Variants in BMP1 observed in about 807,000 individuals in gnomAD.
BMP1 encodes the protein bone morphogenetic protein 1, also known as mammalian tolloid protein.
Under a neutral mutation model 116.8 loss-of-function variants are expected in BMP1, and 63 were observed. That is an observed-to-expected ratio of 0.54 (90% CI 0.44 to 0.67). The LOEUF (loss-of-function observed/expected upper bound fraction) is 0.67. BMP1 is among the 30% of genes least tolerant of loss of function. The probability of loss-of-function intolerance (pLI) is 0.00; values close to 1 mark genes in which losing one functional copy is unlikely to be tolerated. For missense variants in BMP1, 1,183 were observed against 1,358.9 expected (o/e 0.87, Z 2.04); for synonymous variants, 536 against 533.4 (o/e 1.00, Z -0.07).
chr8:22,209,874 C>T (rs1237229447), intron 19 of BMP1, among the ~76,000 whole-genome samples, 179 bp downstream of exon 19: 1 of 152,266 alleles, frequency 6.6e-6, no homozygotes, highest in Non-Finnish European at 1.5e-5. Context: ...TACTCAGAGA[C>T]ACTGCCCCAT....
chr8:22,169,472 G>C lies in BMP1; in HGVS notation c.148+3919G>C, dbSNP rs374906769. On this transcript the variant is annotated intron_variant, in intron 1 of 19. Transcript: ENST00000306385. ...ACACAAGATCCTGCACGGGGAAGTG[G>C]TTGAGTGTGTGTTTGTGCATATGCG... The C allele has an allele frequency of 6.6e-5, 10 of 152,436 alleles. No homozygotes were observed. In the East Asian group the frequency reaches 1.7e-3, roughly 26 times the overall value. The allele number at this position is 152,436 out of a possible 1,614,324, so 9.4% of individuals were successfully genotyped here.
rs1828577071 is a variant in BMP1 at position 22,180,282 on chromosome 8, G to A, written c.962-86G>A. On this transcript the variant is annotated intron_variant, in intron 7 of 19. Coordinates refer to ENST00000306385, the MANE Select transcript of BMP1 (RefSeq NM_006129.5). Reference sequence around the variant, plus strand: ...CTCAGGCATTCTCCCCTCCCCCAGAGGATGCCAAGGTTCAGGGGTGGGTGA... The same window carrying A: ...CTCAGGCATTCTCCCCTCCCCCAGAAGATGCCAAGGTTCAGGGGTGGGTGA... 1.5e-5 allele frequency: 16 copies of A among 1,084,250 alleles called. 1 individual carries two copies. The South Asian group carries it at 2.1e-4, about 14-fold the overall frequency. The allele number at this position is 1,084,250 out of a possible 1,614,324, so 67.2% of individuals were successfully genotyped here. A position where few individuals can be genotyped will look rare whatever the true frequency, so the allele number is the denominator to read the frequency against.
At chr8:22,200,560 T>C (rs1465743052) in intron 15 of BMP1, among the ~76,000 whole-genome samples, 1 of 152,148 alleles carries the variant, frequency 6.6e-6, no homozygotes, top group Non-Finnish European at 1.5e-5. Context: ...GTATTGGAGA[T>C]TGGAGCTGTG....
At chr8:22,170,020 G>C (rs1046618976) in intron 1 of BMP1, 3 of 152,434 alleles carry the variant, frequency 2.0e-5, no homozygotes, top group African/African-American at 7.2e-5. Context: ...CCAGAGGGCA[G>C]CCCAAAAGCA....
chr8:22,202,505 T>C (rs1024938971), intron 16 of BMP1, among the ~76,000 whole-genome samples: 27 of 152,200 alleles, frequency 1.8e-4, no homozygotes, highest in Non-Finnish European at 3.1e-4. Context: ...CTGGGGATGG[T>C]CAGAACAGGG....
chr8:22,192,206 C>G lies in BMP1; in HGVS notation c.1180+55C>G, dbSNP rs941970276. 4.1e-6 allele frequency: 6 copies of G among 1,468,236 alleles called. No individual in the cohort carries two copies. The African/African-American group carries it at 8.3e-5, about 20-fold the overall frequency. 91.0% of individuals were successfully genotyped at this position (1,468,236 alleles called of 1,614,324 possible). On this transcript the variant is annotated intron_variant, in intron 9 of 19. Coordinates refer to ENST00000306385, the MANE Select transcript of BMP1 (RefSeq NM_006129.5). ...CCATGCTGATTCCCTCTCTGAGCCA[C>G]CCTCATCACACTCTTCATCCCCCTC...
chr8:22,173,738 C>T, intron 2 of BMP1, 23 bp downstream of exon 2: 1 of 1,576,658 alleles, frequency 6.3e-7, no homozygotes, highest in Non-Finnish European at 8.7e-7. Flanking sequence ...CCAATGGGCC[C>T]TCTGTGTCCT....
chr8:22,207,125 C>G, intron 17 of BMP1, 144 bp downstream of exon 17: 1 of 1,435,468 alleles, frequency 7.0e-7, no homozygotes, highest in South Asian at 1.3e-5. Flanking sequence ...AGGCCCCTTT[C>G]CCAGTATAAA....
At chr8:22,183,246 T>C (rs1288875011) in intron 8 of BMP1, among the ~76,000 whole-genome samples, 1 of 152,142 alleles carries the variant, frequency 6.6e-6, no homozygotes, top group Non-Finnish European at 1.5e-5. Context: ...CGGAACTCCA[T>C]CTCTACAAAA....
chr8:22,165,683 A>G (rs1326376550), intron 1 of BMP1, 130 bp downstream of exon 1: 5 of 1,094,072 alleles, frequency 4.6e-6, no homozygotes, highest in Non-Finnish European at 6.1e-6. Flanking sequence ...AGTGGGGAAC[A>G]AAAGAACGAG....
At position 22,207,311 on chromosome 8, in the gene BMP1, G is replaced by A; in HGVS notation, c.2370G>A (p.Met790Ile). 1.2e-6 allele frequency: 2 copies of A among 1,612,540 alleles called. No individual in the cohort carries two copies. Among genetic ancestry groups the A allele is most frequent in the Non-Finnish European group, 1.7e-6 (2 of 1,178,582 alleles). ...CTTCCTCATCCCCCTAGACCTTCAT[G>A]GAGATGGACATCGAGTCCCAGCCTG... Reference protein sequence around the residue: ...TPGHRVKLTFMEMDIESQPEC... With the variant: ...TPGHRVKLTFIEMDIESQPEC... Residue 790 changes from methionine to isoleucine, a missense_variant, in exon 18 of 20, where the codon ATG becomes ATA. Coordinates refer to ENST00000306385, the MANE Select transcript of BMP1 (RefSeq NM_006129.5).
chr8:22,184,627 T>C (rs1445984610), intron 8 of BMP1, among the ~76,000 whole-genome samples: 1 of 152,182 alleles, frequency 6.6e-6, no homozygotes, highest in Non-Finnish European at 1.5e-5. Context: ...CTCTCTACTG[T>C]TTAACAATCA....
chr8:22,177,981 G>T, intron 6 of BMP1, 24 bp downstream of exon 6: 1 of 1,564,268 alleles, frequency 6.4e-7, no homozygotes, highest in Non-Finnish European at 8.8e-7. Flanking sequence ...TTGGGGCTGG[G>T]CCTCTGCTCG....
At chr8:22,198,035 A>G (rs960009044) in intron 15 of BMP1, among the ~76,000 whole-genome samples, 3 of 152,124 alleles carry the variant, frequency 2.0e-5, no homozygotes, top group African/African-American at 7.2e-5. Context: ...AAAGTTTAAA[A>G]TTAGCAGGGT....
rs570238240 is a variant in BMP1, at chr8:22,201,857, C to T, written c.2162C>T (p.Thr721Met). Residue 721 changes from threonine to methionine, a missense_variant, in exon 16 of 20, where the codon ACG becomes ATG. By Grantham distance (81) the Thr-to-Met change is moderately conservative (BLOSUM62 -1). Coordinates refer to ENST00000306385, the MANE Select transcript of BMP1 (RefSeq NM_006129.5). Reference protein sequence around the residue: ...NGGCQQDCVNTFGSYECQCRS... With the variant: ...NGGCQQDCVNMFGSYECQCRS... ...GGCTGCCAGCAGGACTGCGTCAACA[C>T]GTTCGGCAGTTATGAGTGCCAATGC... 13 of 1,613,870 alleles carry T rather than the reference C, an allele frequency of 8.1e-6. No homozygotes were observed. The highest frequency in any genetic ancestry group is 5.5e-5 in the South Asian group (5 of 91,062).
chr8:22,176,239 G>C lies in BMP1; in HGVS notation c.359G>C (p.Arg120Pro). The change falls in exon 3 of 20, where the codon CGG becomes CCG. Residue 120 changes from arginine (R) to proline (P), a missense_variant. Arg to Pro is a moderately radical substitution (Grantham distance 103). This residue lies in a region of BMP1 where 40 missense variants were observed against 47.5 expected (regional missense o/e 0.84). Transcript: ENST00000306385. ...GRWRGRSRSR[R>P]AATSRPERVW... ...TGGAGAGGTAGATCCCGTAGCCGGC[G>C]GGCGGCGACGTCCCGACCAGAGCGT... The C allele has an allele frequency of 6.2e-7, 1 of 1,613,894 alleles. No homozygotes were observed. The highest frequency in any genetic ancestry group is 8.5e-7 in the Non-Finnish European group (1 of 1,179,934).
At chr8:22,198,746 G>A (rs149714437) in intron 15 of BMP1, 7,119 of 192,910 alleles carry the variant, frequency 0.037, 224 homozygotes, top group Admixed American at 0.083. Context: ...CCTGACCCCC[G>A]GATGCCATGC....
intron 5 of BMP1, 67 bp from the exon 6 acceptor site, chr8:22,177,785 T>C (rs1828492596): frequency 8.4e-7 from 1 of 1,189,682 alleles, no homozygotes. Flanking sequence ...CCCTGGAAAG[T>C]GAGCGTTGCA....
intron 8 of BMP1, among the ~76,000 whole-genome samples, chr8:22,182,151 A>G (rs1370311285): frequency 6.6e-6 from 1 of 152,202 alleles, no homozygotes; most frequent in Non-Finnish European, 1.5e-5. Flanking sequence ...TGCAGCGTTG[A>G]GCTGGATTCA....
Sources: allele counts gnomAD v4.1 joint callset (sites outside exome capture counted in the v4.1 genomes callset), GRCh38; gene constraint gnomAD v4.1.1; regional missense constraint gnomAD v4.1.1; transcripts MANE v1.5; gene names NCBI Gene and HGNC (gene_info 2026-07-23, HGNC 2026-07-21).